Variants in ZNF618 observed in about 807,000 individuals in gnomAD.
The protein encoded by ZNF618 is zinc finger protein 618.
A neutral mutation model predicts 103.0 loss-of-function variants in ZNF618; 34 were observed. The ratio of observed to expected loss-of-function variants is 0.33; its 90% CI spans 0.25 to 0.44. ZNF618 has a LOEUF of 0.44. ZNF618 is among the 20% of genes least tolerant of loss of function. ZNF618 has a pLI of 1.00. For synonymous variants in ZNF618, 551 were observed against 542.2 expected (o/e 1.02, Z -0.23); for missense variants, 1,059 against 1,295.4 (o/e 0.82, Z 2.80).
chr9:113,935,880 C>T (rs570972524), intron 1 of ZNF618, among the ~76,000 whole-genome samples: 37 of 152,128 alleles, frequency 2.4e-4, no homozygotes, highest in Non-Finnish European at 4.3e-4. Flanking sequence ...CAGGCCCGTT[C>T]CTCCCAGCAT....
intron 1 of ZNF618, among the ~76,000 whole-genome samples, chr9:113,919,685 C>A (rs1386549514): frequency 6.6e-6 from 1 of 152,204 alleles, no homozygotes; most frequent in Non-Finnish European, 1.5e-5. Context: ...CACCTTGATT[C>A]CACGGTTTGG....
chr9:113,955,847 C>G (rs1412380956), intron 1 of ZNF618, among the ~76,000 whole-genome samples: 1 of 152,100 alleles, frequency 6.6e-6, no homozygotes, highest in Admixed American at 6.5e-5. Flanking sequence ...TAAAAGCCCT[C>G]AGCTTCTTTC....
intron 1 of ZNF618, among the ~76,000 whole-genome samples, chr9:113,894,158 T>TA (rs745909475): frequency 6.6e-6 from 1 of 152,266 alleles, no homozygotes; most frequent in Non-Finnish European, 1.5e-5. Flanking sequence ...AATTCTCTAA[T>TA]AACCAGTTTT....
At chr9:113,883,587 T>C (rs1828731200) in intron 1 of ZNF618, among the ~76,000 whole-genome samples, 1 of 152,198 alleles carries the variant, frequency 6.6e-6, no homozygotes. Context: ...TTTGCAGATG[T>C]CAAAGATTCA....
At chr9:114,003,705 G>C (rs1415604739) in intron 6 of ZNF618, among the ~76,000 whole-genome samples, 1 of 152,220 alleles carries the variant, frequency 6.6e-6, no homozygotes, top group African/African-American at 2.4e-5. Context: ...TGGGGAAGGG[G>C]CTTCAGGGTT....
chr9:113,890,227 T>C (rs777591752), intron 1 of ZNF618, among the ~76,000 whole-genome samples: 5 of 152,196 alleles, frequency 3.3e-5, no homozygotes, highest in African/African-American at 9.7e-5. Flanking sequence ...ACAAAAACAT[T>C]CAAGCAGTAC....
chr9:114,039,787 G>A (rs1844972180), intron 13 of ZNF618, among the ~76,000 whole-genome samples: 1 of 152,120 alleles, frequency 6.6e-6, no homozygotes, highest in African/African-American at 2.4e-5. Context: ...GAGTATCAAG[G>A]GCCATGGCAC....
At chr9:113,912,594 T>C (rs1831653599) in intron 1 of ZNF618, among the ~76,000 whole-genome samples, 1 of 152,204 alleles carries the variant, frequency 6.6e-6, no homozygotes, top group Non-Finnish European at 1.5e-5. Context: ...AACTATTTTA[T>C]AAGCTCTGCT....
rs36118163 is a variant in ZNF618 at position 114,054,600 on chromosome 9, G to A, written c.*4433G>A. The A allele has an allele frequency of 0.26, 39,136 of 152,784 alleles. 5,330 individuals are homozygous for A. Among genetic ancestry groups the A allele is most frequent in the Middle Eastern group, 0.36 (108 of 296 alleles). 9.5% of individuals were successfully genotyped at this position (152,784 alleles called of 1,614,324 possible). On this transcript the variant is annotated 3_prime_UTR_variant, in exon 15 of 15. Transcript: ENST00000374126. The stretch of plus-strand genomic sequence containing the variant: ...CCCCGCCAGCCCTGCTCCAGCCCCC[G>A]TGTCCAGCTGGGCCAGTGGAAGAAC...
At chr9:113,879,527 A>T (rs1047673647) in intron 1 of ZNF618, among the ~76,000 whole-genome samples, 2 of 150,844 alleles carry the variant, frequency 1.3e-5, no homozygotes, top group Non-Finnish European at 2.9e-5. Flanking sequence ...CTGGATTGAG[A>T]TCTGACCTTG....
At chr9:113,888,509 C>G (rs2130954982) in intron 1 of ZNF618, among the ~76,000 whole-genome samples, 1 of 152,366 alleles carries the variant, frequency 6.6e-6, no homozygotes, top group Admixed American at 6.5e-5. Flanking sequence ...TCGGGGCCTC[C>G]CGGATTCAGA....
intron 1 of ZNF618, among the ~76,000 whole-genome samples, chr9:113,952,927 A>G (rs1238250946): frequency 6.6e-6 from 1 of 152,242 alleles, no homozygotes; most frequent in Non-Finnish European, 1.5e-5. Flanking sequence ...GTAGATGAAT[A>G]ATCTCTAGTT....
chr9:114,047,823 AG>A (rs1469705375), intron 13 of ZNF618, 69 bp from the exon 14 acceptor site: 1 of 1,342,672 alleles, frequency 7.4e-7, no homozygotes, highest in Non-Finnish European at 1.0e-6. Context: ...ACCACACTCT[AG>A]TTCTCATCTC....
At chr9:113,906,419 C>T (rs771276963) in intron 1 of ZNF618, among the ~76,000 whole-genome samples, 3 of 152,102 alleles carry the variant, frequency 2.0e-5, no homozygotes, top group Non-Finnish European at 4.4e-5. Context: ...ATGCTATAGT[C>T]AGGTTGTAGG....
chr9:113,914,712 A>G (rs543454668), intron 1 of ZNF618, among the ~76,000 whole-genome samples: 116 of 152,346 alleles, frequency 7.6e-4, no homozygotes, highest in African/African-American at 2.1e-3. Flanking sequence ...AAACGGGTGT[A>G]ACAAGATAGA....
intron 4 of ZNF618, among the ~76,000 whole-genome samples, chr9:113,999,961 G>A (rs1841014871): frequency 2.0e-5 from 3 of 152,216 alleles, no homozygotes; most frequent in African/African-American, 7.2e-5. Context: ...AGTGACAGAT[G>A]AGTACAACAG....
intron 1 of ZNF618, 37 bp downstream of exon 1, chr9:113,876,450 G>A (rs1289690014): frequency 3.4e-6 from 4 of 1,193,070 alleles, no homozygotes; most frequent in Admixed American, 4.4e-5. Context: ...CCGCGCGGGG[G>A]ACCCCGGGGG....
At chr9:113,917,235 CTT>C (rs56300784) in intron 1 of ZNF618, among the ~76,000 whole-genome samples, 243 of 74,280 alleles carry the variant, frequency 3.3e-3, no homozygotes, top group Middle Eastern at 0.011. Context: ...TCTCTCTATC[CTT>C]TTTTTTTTTT....
rs548794465 is a variant in ZNF618 at position 113,946,092 on chromosome 9, C to T, written c.34-23025C>T. The stretch of plus-strand genomic sequence containing the variant: ...CTTTTCTTCTAGAATAATGCAAGGC[C>T]TTGAGAGCCAGCACCACTGTCAGGG... On this transcript the variant is annotated intron_variant, in intron 1 of 14. Coordinates refer to ENST00000374126, the MANE Select transcript of ZNF618 (RefSeq NM_001318042.2). 2.6e-5 allele frequency among the ~76,000 whole-genome samples: 4 copies of T among 152,176 alleles called. No homozygotes were observed. In the East Asian group the frequency reaches 5.8e-4, roughly 22 times the overall value.
Sources: allele counts gnomAD v4.1 joint callset (sites outside exome capture counted in the v4.1 genomes callset), GRCh38; gene constraint gnomAD v4.1.1; transcripts MANE v1.5; gene names NCBI Gene and HGNC (gene_info 2026-07-23, HGNC 2026-07-21).